BBS9: variants seen among roughly 807,000 people sequenced by gnomAD.
BBS9 encodes the protein protein PTHB1.
A neutral mutation model predicts 117.7 loss-of-function variants in BBS9; 89 were observed. The ratio of observed to expected loss-of-function variants is 0.76; its 90% CI spans 0.64 to 0.90. The LOEUF is 0.90. Ranked by LOEUF, BBS9 falls within the 40% of genes least tolerant of loss-of-function variation. BBS9 has a pLI of 0.00. For missense variants in BBS9, 982 were observed against 1,042.2 expected, an observed-to-expected ratio of 0.94 and a Z score of 0.80; for synonymous variants, 379 against 370.9, an observed-to-expected ratio of 1.02 and a Z score of -0.25.
chr7:33,527,592 C>G (rs888681912), intron 20 of BBS9, among the ~76,000 whole-genome samples: 3 of 152,328 alleles, frequency 2.0e-5, no homozygotes, highest in African/African-American at 4.8e-5. Context: ...GGCAATGCCT[C>G]GCCCTGCTTC....
At chr7:33,214,589 T>C (rs529335799) in intron 5 of BBS9, among the ~76,000 whole-genome samples, 1 of 152,348 alleles carries the variant, frequency 6.6e-6, no homozygotes, top group South Asian at 2.1e-4. Context: ...AGCCTGCCTG[T>C]AGGCTTCTAA....
At position 33,303,801 on chromosome 7, in the gene BBS9, ACT is replaced by A. The variant is rs533508570; in HGVS notation, c.1016+29847_1016+29848del. Reference sequence around the variant, plus strand: ...TGGGATTGCAGATGGAGTCTCGCTCACTCAGTGCTCAATGTGGCCCAGGCTGG... The same window carrying A: ...TGGGATTGCAGATGGAGTCTCGCTCACAGTGCTCAATGTGGCCCAGGCTGG... On this transcript the variant is annotated intron_variant, in intron 9 of 22. Coordinates refer to ENST00000242067, the MANE Select transcript of BBS9 (RefSeq NM_198428.3). 2.8e-3 allele frequency among the ~76,000 whole-genome samples: 420 copies of A among 150,672 alleles called. 1 individual carries two copies. The highest frequency in any genetic ancestry group is 0.01 in the African/African-American group (409 of 40,838).
intron 19 of BBS9, among the ~76,000 whole-genome samples, chr7:33,463,711 G>A (rs1440384129): frequency 6.6e-6 from 1 of 151,996 alleles, no homozygotes; most frequent in Non-Finnish European, 1.5e-5. Flanking sequence ...ATTTTAGACA[G>A]TTAAGCTATT....
intron 21 of BBS9, among the ~76,000 whole-genome samples, chr7:33,555,055 A>G (rs1280920901): frequency 6.6e-6 from 1 of 152,196 alleles, no homozygotes; most frequent in Admixed American, 6.5e-5. Context: ...TTCTCCTTTT[A>G]TATATTCACT....
intron 21 of BBS9, among the ~76,000 whole-genome samples, chr7:33,536,305 A>G (rs928338395): frequency 6.6e-6 from 1 of 151,994 alleles, no homozygotes; most frequent in African/African-American, 2.4e-5. Context: ...TCTCCCTCCC[A>G]CTTGTCTTGA....
intron 4 of BBS9, among the ~76,000 whole-genome samples, chr7:33,177,006 T>C (rs1475373491): frequency 1.3e-5 from 2 of 152,192 alleles, no homozygotes; most frequent in East Asian, 3.8e-4. Flanking sequence ...AATTTCTCAA[T>C]TAAATTAGAA....
chr7:33,300,760 A>C (rs1212558132), intron 9 of BBS9, among the ~76,000 whole-genome samples: 1 of 151,966 alleles, frequency 6.6e-6, no homozygotes, highest in African/African-American at 2.4e-5. Context: ...CTTCCTCCTT[A>C]ATGTTCTTCC....
At chr7:33,405,541 A>G (rs1203209651) in intron 19 of BBS9, among the ~76,000 whole-genome samples, 1 of 152,206 alleles carries the variant, frequency 6.6e-6, no homozygotes, top group Non-Finnish European at 1.5e-5. Context: ...TGGTCTATTC[A>G]GAGATTCAAC....
chr7:33,274,092 G>A lies in BBS9; in HGVS notation c.1016+136G>A, dbSNP rs1024120061. The A allele has an allele frequency of 9.9e-6, 9 of 907,748 alleles. No individual in the cohort carries two copies. In the East Asian group the frequency reaches 1.9e-4, roughly 19 times the overall value. 56.2% of individuals were successfully genotyped at this position (907,748 alleles called of 1,614,324 possible). On this transcript the variant is annotated intron_variant, in intron 9 of 22. Coordinates refer to ENST00000242067, the MANE Select transcript of BBS9 (RefSeq NM_198428.3). ...TGTAGTATGAATGTCAATAATAAAA[G>A]TAATTTAAAATATAACTTTTATTGG...
At chr7:33,617,282 A>G (rs1481156567) in intron 21 of BBS9, among the ~76,000 whole-genome samples, 1 of 152,176 alleles carries the variant, frequency 6.6e-6, no homozygotes, top group Non-Finnish European at 1.5e-5. Context: ...AAAAGAAGGG[A>G]ATGGAGAAGT....
chr7:33,497,513 G>A (rs17726934), intron 19 of BBS9, among the ~76,000 whole-genome samples: 28,125 of 152,050 alleles, frequency 0.18, 3,553 homozygotes, highest in Admixed American at 0.35. Context: ...GCTTTTTGTG[G>A]TGAACTTCAG....
intron 9 of BBS9, among the ~76,000 whole-genome samples, chr7:33,287,033 C>T (rs989891251): frequency 7.2e-5 from 11 of 152,060 alleles, no homozygotes; most frequent in Non-Finnish European, 1.6e-4. Flanking sequence ...TTTGGGTGGA[C>T]TTAGTCCTTT....
Position 33,331,056 on chromosome 7 carries a change from A to G in BBS9, c.1017-5385A>G, listed in dbSNP as rs186217389. Among the ~76,000 whole-genome samples the G allele has an allele frequency of 2.6e-5, 4 of 152,366 alleles. No homozygotes were observed. The East Asian group carries it at 7.7e-4, about 29-fold the overall frequency. On this transcript the variant is annotated intron_variant, in intron 9 of 22. Transcript: ENST00000242067. ...GCTAACCGAATCTAACAGCACATCA[A>G]AAAGACAGTACATTATGATCAAGTG...
chr7:33,348,633 G>A (rs1818041739), intron 12 of BBS9, among the ~76,000 whole-genome samples: 1 of 152,142 alleles, frequency 6.6e-6, no homozygotes, highest in African/African-American at 2.4e-5. Context: ...TGAAGAAACT[G>A]CCAAACTTTT....
intron 9 of BBS9, among the ~76,000 whole-genome samples, chr7:33,292,481 C>A (rs1804262637): frequency 6.6e-6 from 1 of 152,130 alleles, no homozygotes; most frequent in Admixed American, 6.5e-5. Context: ...CCCACCTTGG[C>A]CTCCCAAAGT....
chr7:33,309,839 A>G (rs1320297931), intron 9 of BBS9, among the ~76,000 whole-genome samples: 1 of 152,234 alleles, frequency 6.6e-6, no homozygotes, highest in East Asian at 1.9e-4. Flanking sequence ...TAGCTAATAT[A>G]GCATTGAATT....
At chr7:33,560,183 A>G (rs747787756) in intron 21 of BBS9, among the ~76,000 whole-genome samples, 1 of 152,176 alleles carries the variant, frequency 6.6e-6, no homozygotes, top group Admixed American at 6.5e-5. Context: ...GAGCCAGCAC[A>G]TGGTAGATGC....
intron 16 of BBS9, among the ~76,000 whole-genome samples, chr7:33,362,536 G>A (rs1191408501): frequency 6.6e-6 from 1 of 152,042 alleles, no homozygotes; most frequent in African/African-American, 2.4e-5. Flanking sequence ...CCACTGAATT[G>A]CCTTTTCAAC....
chr7:33,541,630 A>T (rs1421360283), intron 21 of BBS9, among the ~76,000 whole-genome samples: 1 of 152,248 alleles, frequency 6.6e-6, no homozygotes, highest in Non-Finnish European at 1.5e-5. Context: ...AAATAACTGA[A>T]GTTCTAGTAC....
Sources: gnomAD v4.1 joint callset for allele counts (sites outside exome capture counted in the v4.1 genomes callset) on GRCh38, gnomAD v4.1.1 for gene constraint, MANE v1.5 for transcripts, NCBI Gene and HGNC (gene_info 2026-07-23, HGNC 2026-07-21) for gene names.